The following MYO1E variants were observed in gnomAD, a reference collection of about 807,000 sequenced individuals.
MYO1E encodes the protein unconventional myosin-Ie.
In MYO1E, 68 loss-of-function variants were observed where a neutral mutation model predicts 151.1. The observed-to-expected ratio is 0.45, with a 90% CI of 0.37 to 0.55. The LOEUF is 0.55. Ranked by LOEUF, MYO1E falls within the 20% of genes least tolerant of loss-of-function variation. MYO1E has a pLI of 0.00. For missense variants in MYO1E, 1,363 were observed against 1,389.3 expected, an observed-to-expected ratio of 0.98 and a Z score of 0.30; for synonymous variants, 601 against 501.7, an observed-to-expected ratio of 1.20 and a Z score of -2.64.
intron 1 of MYO1E, among the ~76,000 whole-genome samples, chr15:59,331,761 C>G (rs879490996): frequency 6.6e-6 from 1 of 152,126 alleles, no homozygotes; most frequent in Non-Finnish European, 1.5e-5. Context: ...AAAGTAATAC[C>G]TGTCAGTCAT....
intron 1 of MYO1E, among the ~76,000 whole-genome samples, chr15:59,327,905 G>A (rs1402236423): frequency 2.6e-5 from 4 of 152,224 alleles, no homozygotes; most frequent in African/African-American, 7.2e-5. Flanking sequence ...GTCTTGGGAA[G>A]GGCTGAAACT....
At chr15:59,234,822 CAAAAAAAAAAAA>C (rs3053017) in intron 5 of MYO1E, among the ~76,000 whole-genome samples, 1 of 102,220 alleles carries the variant, frequency 9.8e-6, no homozygotes, top group South Asian at 3.2e-4. Flanking sequence ...GACCCCATCT[CAAAAAAAAAAAA>C]AAAAAAAAGG....
At chr15:59,328,596 A>G (rs1051551208) in intron 1 of MYO1E, among the ~76,000 whole-genome samples, 3 of 152,190 alleles carry the variant, frequency 2.0e-5, no homozygotes, top group Admixed American at 6.5e-5. Flanking sequence ...ATAGAAACTT[A>G]AAGGACATAC....
At chr15:59,167,763 G>T (rs1024916327) in intron 22 of MYO1E, among the ~76,000 whole-genome samples, 2 of 152,122 alleles carry the variant, frequency 1.3e-5, no homozygotes, top group East Asian at 3.9e-4. Flanking sequence ...TGCACCCTCC[G>T]CCTCCTGGGC....
At chr15:59,246,386 G>A (rs867262907) in intron 4 of MYO1E, among the ~76,000 whole-genome samples, 2 of 152,216 alleles carry the variant, frequency 1.3e-5, no homozygotes, top group Non-Finnish European at 2.9e-5. Flanking sequence ...TTACAGGCGT[G>A]AGCCACCATG....
intron 1 of MYO1E, among the ~76,000 whole-genome samples, chr15:59,370,295 T>C (rs564615621): frequency 2.6e-5 from 4 of 152,380 alleles, no homozygotes; most frequent in South Asian, 2.1e-4. Flanking sequence ...ACATTAAATA[T>C]TGTAACTTGG....
chr15:59,194,653 G>A (rs1469122953), intron 17 of MYO1E, among the ~76,000 whole-genome samples: 1 of 152,138 alleles, frequency 6.6e-6, no homozygotes, highest in Non-Finnish European at 1.5e-5. Context: ...GATGGCTAGG[G>A]TCCTCTCTGT....
At chr15:59,232,001 T>G (rs1194187889) in intron 5 of MYO1E, among the ~76,000 whole-genome samples, 1 of 152,194 alleles carries the variant, frequency 6.6e-6, no homozygotes, top group Non-Finnish European at 1.5e-5. Context: ...TTCCCATGGC[T>G]TGATGCAGAG....
chr15:59,181,267 G>C (rs1363452974), intron 18 of MYO1E, among the ~76,000 whole-genome samples: 1 of 152,182 alleles, frequency 6.6e-6, no homozygotes, highest in African/African-American at 2.4e-5. Context: ...GTGAGGAAGT[G>C]TAAATCATGC....
At chr15:59,338,029 A>G (rs2080740242) in intron 1 of MYO1E, among the ~76,000 whole-genome samples, 1 of 152,178 alleles carries the variant, frequency 6.6e-6, no homozygotes. Flanking sequence ...AAGAGTGTAA[A>G]TTAATCAAAC....
rs763520830 is a variant in MYO1E at position 59,158,314 on chromosome 15, G to C, written c.2851C>G (p.Pro951Ala). ...YSSGTQNANY[P>A]VRAAPPPPGY... The stretch of plus-strand genomic sequence containing the variant: ...GGGGGAGGAGGGGCAGCTCTCACTG[G>C]GTAGTTGGCATTTTGAGTCCCACTG... The change falls in exon 25 of 28, where the codon CCA becomes GCA. Residue 951 changes from proline (P) to alanine (A), a missense_variant. Pro to Ala is a conservative substitution (Grantham distance 27). Coordinates refer to ENST00000288235, the MANE Select transcript of MYO1E (RefSeq NM_004998.4). 3.0e-5 allele frequency: 47 copies of C among 1,577,292 alleles called. No individual in the cohort carries two copies. The Admixed American group carries it at 8.1e-4, about 27-fold the overall frequency.
chr15:59,236,786 C>A, intron 4 of MYO1E, 114 bp from the exon 5 acceptor site: 2 of 1,033,720 alleles, frequency 1.9e-6, no homozygotes, highest in Admixed American at 2.1e-5. Flanking sequence ...AAAAAACAGG[C>A]AGAAAAGAAT....
chr15:59,286,588 G>A (rs77479731), intron 1 of MYO1E, among the ~76,000 whole-genome samples: 28,012 of 152,042 alleles, frequency 0.18, 2,681 homozygotes, highest in Non-Finnish European at 0.2. Context: ...GTGATCAGGG[G>A]TGTCTTGATG....
At chr15:59,171,097 G>C (rs768037448) in intron 22 of MYO1E, 1 of 155,914 alleles carries the variant, frequency 6.4e-6, no homozygotes, top group South Asian at 2.0e-4. Flanking sequence ...AGTCTTCATG[G>C]ATTGCGAGGA....
At chr15:59,368,688 G>A (rs1381964931) in intron 1 of MYO1E, among the ~76,000 whole-genome samples, 1 of 152,152 alleles carries the variant, frequency 6.6e-6, no homozygotes, top group East Asian at 1.9e-4. Flanking sequence ...GGAGGTTGCA[G>A]TGAGTTGAGA....
intron 16 of MYO1E, among the ~76,000 whole-genome samples, chr15:59,200,855 G>T (rs145016157): frequency 2.0e-5 from 3 of 152,042 alleles, no homozygotes; most frequent in East Asian, 3.9e-4. Context: ...ACAGGGAAGC[G>T]GTGAGGGCAC....
intron 1 of MYO1E, among the ~76,000 whole-genome samples, chr15:59,320,520 G>C (rs1284709017): frequency 6.6e-6 from 1 of 152,162 alleles, no homozygotes; most frequent in Non-Finnish European, 1.5e-5. Flanking sequence ...AGAGAACCCA[G>C]AAATAAAGCT....
chr15:59,219,020 T>TG (rs2079937425), intron 9 of MYO1E, among the ~76,000 whole-genome samples: 1 of 152,164 alleles, frequency 6.6e-6, no homozygotes, highest in Admixed American at 6.5e-5. Flanking sequence ...GGGGGCCTGA[T>TG]GGCTAATAAA....
At position 59,173,874 on chromosome 15, in the gene MYO1E, T is replaced by G. The variant is rs770083095; in HGVS notation, c.2206A>C (p.Ser736Arg). The G allele has an allele frequency of 6.2e-7, 1 of 1,614,162 alleles. No individual in the cohort carries two copies. The highest frequency in any genetic ancestry group is 1.1e-5 in the South Asian group (1 of 91,080). ...LLNKKERRRN[S>R]INRNFIGDYI... ...TCCCCTATAAAGTTCCTGTTAATAC[T>G]GTTTCTCCTTCTCTCCTTCTTGTTC... Residue 736 changes from serine to arginine, a missense_variant, in exon 21 of 28, where the codon AGT becomes CGT. Physicochemically the swap from Ser to Arg is moderately radical, Grantham distance 110. Transcript: ENST00000288235.
Sources: gnomAD v4.1 joint callset for allele counts (sites outside exome capture counted in the v4.1 genomes callset) on GRCh38, gnomAD v4.1.1 for gene constraint, MANE v1.5 for transcripts, NCBI Gene and HGNC (gene_info 2026-07-23, HGNC 2026-07-21) for gene names.